The following SCAI variants were observed in gnomAD, a reference collection of about 807,000 sequenced individuals.
The protein encoded by SCAI is protein SCAI.
A neutral mutation model predicts 92.2 loss-of-function variants in SCAI; 24 were observed. The ratio of observed to expected loss-of-function variants is 0.26; its 90% CI spans 0.19 to 0.37. The LOEUF (loss-of-function observed/expected upper bound fraction) is 0.37. Among genes scored for constraint, SCAI ranks in the 10% least tolerant of loss-of-function variants. The pLI is 1.00. For synonymous variants in SCAI, 261 were observed against 258.6 expected (o/e 1.01, Z -0.09); for missense variants, 450 against 736.2 (o/e 0.61, Z 4.50).
intron 17 of SCAI, among the ~76,000 whole-genome samples, chr9:124,960,997 C>G (rs1373516595): frequency 2.6e-5 from 4 of 151,966 alleles, no homozygotes; most frequent in African/African-American, 9.7e-5. Flanking sequence ...GCACCGTACT[C>G]AGGTGGTCCC....
At chr9:124,972,022 T>G (rs193083812) in intron 15 of SCAI, among the ~76,000 whole-genome samples, 178 bp from the exon 16 acceptor site, 199 of 152,350 alleles carry the variant, frequency 1.3e-3, no homozygotes, top group African/African-American at 4.4e-3. Flanking sequence ...TGCTTTCTGC[T>G]GAACAAACTT....
chr9:125,013,741 G>C (rs988669902), intron 9 of SCAI, among the ~76,000 whole-genome samples: 3 of 152,148 alleles, frequency 2.0e-5, no homozygotes, highest in Non-Finnish European at 2.9e-5. Context: ...GAGAATTTTA[G>C]ACCAATATCC....
intron 17 of SCAI, among the ~76,000 whole-genome samples, chr9:124,961,300 T>C (rs917610366): frequency 1.2e-4 from 18 of 151,018 alleles, no homozygotes; most frequent in African/African-American, 4.4e-4. Flanking sequence ...ATATTACATA[T>C]ATGCATGATG....
chr9:125,092,131 T>TAAAAAAAAAAAAA (rs71374225), intron 2 of SCAI, among the ~76,000 whole-genome samples: 1 of 61,142 alleles, frequency 1.6e-5, no homozygotes, highest in African/African-American at 6.1e-5. Context: ...CTCCGTCTCT[T>TAAAAAAAAAAAAA]AAAAAAAAAA....
Position 124,949,174 on chromosome 9 carries a change from C to A in SCAI, c.*3633G>T, listed in dbSNP as rs1831197577. ...AGGAGTTCGAGACCAGCCTGACCAA[C>A]ATGGTGAAACCCCATCTCAAAACAC... On this transcript the variant is annotated 3_prime_UTR_variant, in exon 18 of 18. Transcript: ENST00000336505. The surrounding 1 kb of genome is among the most constrained non-coding windows in gnomAD (Gnocchi z 4.0). 6.6e-6 allele frequency: 1 copy of A among 152,224 alleles called. No individual in the cohort carries two copies. Among genetic ancestry groups the A allele is most frequent in the Non-Finnish European group, 1.5e-5 (1 of 68,120 alleles). The allele number at this position is 152,224 out of a possible 1,614,324, so 9.4% of individuals were successfully genotyped here. A position where few individuals can be genotyped will look rare whatever the true frequency, so the allele number is the denominator to read the frequency against.
At chr9:125,030,259 T>C (rs372022848) in intron 3 of SCAI, among the ~76,000 whole-genome samples, 4 of 152,342 alleles carry the variant, frequency 2.6e-5, no homozygotes, top group Admixed American at 6.5e-5. Flanking sequence ...CATACAAACA[T>C]TGGGCCTGGC....
At position 125,013,356 on chromosome 9, in the gene SCAI, C is replaced by T. The variant is rs1450883503; in HGVS notation, c.861+5443G>A. Among the ~76,000 whole-genome samples, 7 of 152,018 alleles carry T rather than the reference C, an allele frequency of 4.6e-5. 1 individual carries two copies. Among genetic ancestry groups the T allele is most frequent in the Admixed American group, 2.6e-4 (4 of 15,254 alleles). On this transcript the variant is annotated intron_variant, in intron 9 of 17. Transcript: ENST00000336505. The stretch of plus-strand genomic sequence containing the variant: ...AAAATGATAAAGGGGATATCACCAC[C>T]GATCCCACAGAAATACAAACTACCA...
In SCAI at chr9:125,092,131, T is replaced by TAAA. The variant is rs71374225; in HGVS notation, c.99-36127_99-36125dup. ...GGCGACAGAGCAAGACTCCGTCTCT[T>TAAA]AAAAAAAAAAAAAAAAAAAAAAAAA... On this transcript the variant is annotated intron_variant, in intron 2 of 17. Transcript: ENST00000336505. Among the ~76,000 whole-genome samples the TAAA allele has an allele frequency of 6.9e-4, 42 of 61,140 alleles. 4 individuals are homozygous for TAAA. Among genetic ancestry groups the TAAA allele is most frequent in the East Asian group, 1.2e-3 (3 of 2,466 alleles). The allele number at this position is 61,140 out of a possible 152,430, so 40.1% of individuals were successfully genotyped here.
intron 2 of SCAI, among the ~76,000 whole-genome samples, chr9:125,109,746 A>G (rs1161369111): frequency 6.6e-6 from 1 of 152,036 alleles, no homozygotes; most frequent in Non-Finnish European, 1.5e-5. Context: ...GAGGGCAGTG[A>G]TGTGATCTCG....
At chr9:125,074,754 C>T (rs1228818971) in intron 2 of SCAI, among the ~76,000 whole-genome samples, 11 of 151,524 alleles carry the variant, frequency 7.3e-5, no homozygotes, top group Non-Finnish European at 1.3e-4. Flanking sequence ...CCTGTAATCC[C>T]AACACTTTGG....
In SCAI at chr9:125,101,574, T is replaced by C. The variant is rs182114489; in HGVS notation, c.98+41059A>G. Among the ~76,000 whole-genome samples the C allele has an allele frequency of 2.2e-4, 34 of 152,122 alleles. No homozygotes were observed. The East Asian group carries it at 4.8e-3, about 22-fold the overall frequency. ...TCTATTAGGAGCTCCACTTTGGAAG[T>C]GTTAGGGTTGAGAAGCTACTGGACA... On this transcript the variant is annotated intron_variant, in intron 2 of 17. Coordinates refer to ENST00000336505, the MANE Select transcript of SCAI (RefSeq NM_001144877.3).
chr9:125,064,976 C>T (rs7024112), intron 2 of SCAI, among the ~76,000 whole-genome samples: 4,751 of 152,042 alleles, frequency 0.031, 250 homozygotes, highest in African/African-American at 0.1. Flanking sequence ...AAAATTAAAG[C>T]TTATAGATAC....
At chr9:125,064,266 T>C (rs907588072) in intron 2 of SCAI, among the ~76,000 whole-genome samples, 3 of 152,146 alleles carry the variant, frequency 2.0e-5, no homozygotes, top group Non-Finnish European at 4.4e-5. Flanking sequence ...TTGACCTAAC[T>C]GAAATATAGA....
chr9:125,067,470 G>A (rs1047927174), intron 2 of SCAI, among the ~76,000 whole-genome samples: 2 of 152,128 alleles, frequency 1.3e-5, no homozygotes, highest in African/African-American at 4.8e-5. Context: ...CGTGAAGACG[G>A]AGGCAGAGAT....
chr9:125,109,728 C>T (rs769215281), intron 2 of SCAI, among the ~76,000 whole-genome samples: 16 of 151,984 alleles, frequency 1.1e-4, no homozygotes, highest in South Asian at 8.3e-4. Context: ...ACTCTGTCTC[C>T]CAGGCTGGAG....
At chr9:124,955,384 G>A (rs1831299411) in intron 17 of SCAI, among the ~76,000 whole-genome samples, 1 of 151,658 alleles carries the variant, frequency 6.6e-6, no homozygotes. Context: ...CGACAACATA[G>A]CAAGACACTG....
At chr9:125,014,114 G>A (rs1034165780) in intron 9 of SCAI, among the ~76,000 whole-genome samples, 5 of 151,310 alleles carry the variant, frequency 3.3e-5, no homozygotes, top group Admixed American at 2.0e-4. Context: ...CTTTGAAAAC[G>A]GGCACAAGAC....
At chr9:125,007,494 G>C (rs530059604) in intron 9 of SCAI, among the ~76,000 whole-genome samples, 57 of 152,186 alleles carry the variant, frequency 3.7e-4, no homozygotes, top group Admixed American at 1.0e-3. Context: ...TTTGAGACCA[G>C]CCTTGGCAAT....
In SCAI at chr9:125,019,084, G is replaced by A. The variant is rs187881549; in HGVS notation, c.708+23C>T. On this transcript the variant is annotated intron_variant, in intron 8 of 17. Transcript: ENST00000336505. ...CGGTCATTTATTTATCAATAATTAT[G>A]ATTTTTCTTATCAAAAACTGACCTC... is the stretch of plus-strand genomic sequence containing the variant. The A allele has an allele frequency of 2.1e-4, 325 of 1,557,588 alleles. No homozygotes were observed. In the African/African-American group the frequency reaches 4.1e-3, roughly 20 times the overall value.
Sources: gnomAD v4.1 joint callset for allele counts (sites outside exome capture counted in the v4.1 genomes callset) on GRCh38, gnomAD v4.1.1 for gene constraint, Gnocchi (gnomAD v3.1) non-coding constraint, MANE v1.5 for transcripts, NCBI Gene and HGNC (gene_info 2026-07-23, HGNC 2026-07-21) for gene names.